Variants in COMMD2 observed in about 807,000 individuals in gnomAD.
COMMD2 encodes the protein COMM domain-containing protein 2.
A neutral mutation model predicts 22.5 loss-of-function variants in COMMD2; 25 were observed. The ratio of observed to expected loss-of-function variants is 1.11; its 90% CI spans 0.81 to 1.55. The LOEUF (loss-of-function observed/expected upper bound fraction) is 1.55, where lower values mean the gene tolerates loss of function less well. COMMD2 is among the 40% of genes most tolerant of loss of function. The pLI, the probability that COMMD2 is intolerant of heterozygous loss-of-function variation, is 0.00. For synonymous variants in COMMD2, 98 were observed against 91.2 expected (o/e 1.07, Z -0.42); for missense variants, 223 against 232.9 (o/e 0.96, Z 0.28).
At chr3:149,752,320 A>C (rs1437465641) in intron 1 of COMMD2, 33 bp from the exon 2 acceptor site, 1 of 1,613,706 alleles carries the variant, frequency 6.2e-7, no homozygotes, top group Admixed American at 1.7e-5. Flanking sequence ...GTTGAGTGCC[A>C]GGCGCTGCCT....
intron 4 of COMMD2, among the ~76,000 whole-genome samples, chr3:149,745,098 A>G (rs1467889391): frequency 3.3e-5 from 5 of 152,202 alleles, no homozygotes; most frequent in Non-Finnish European, 7.3e-5. Context: ...TCTACAAGAT[A>G]AATTACCTCT....
At chr3:149,749,370 T>G (rs1301806166) in intron 4 of COMMD2, among the ~76,000 whole-genome samples, 1 of 152,154 alleles carries the variant, frequency 6.6e-6, no homozygotes, top group Admixed American at 6.5e-5. Flanking sequence ...CTAACCAAAT[T>G]TCTATAACCT....
chr3:149,742,784 T>C (rs1314900308), intron 4 of COMMD2, among the ~76,000 whole-genome samples: 1 of 151,874 alleles, frequency 6.6e-6, no homozygotes, highest in African/African-American at 2.4e-5. Context: ...CCGGCCAACA[T>C]AGTGAAACCC....
intron 4 of COMMD2, among the ~76,000 whole-genome samples, chr3:149,743,747 T>C (rs888747505): frequency 6.6e-6 from 1 of 152,218 alleles, no homozygotes; most frequent in African/African-American, 2.4e-5. Context: ...GCAAATTATA[T>C]ATATGATAAT....
Position 149,750,623 on chromosome 3 carries a change from CA to C in COMMD2, c.402+54del, listed in dbSNP as rs984813867. 7.6e-6 allele frequency: 10 copies of C among 1,312,400 alleles called. No individual in the cohort carries two copies. In the African/African-American group the frequency reaches 1.3e-4, roughly 17 times the overall value. 81.3% of individuals were successfully genotyped at this position (1,312,400 alleles called of 1,614,324 possible). On this transcript the variant is annotated intron_variant, in intron 4 of 4. Coordinates refer to ENST00000473414, the MANE Select transcript of COMMD2 (RefSeq NM_016094.4). Reference sequence around the variant, plus strand: ...GGTAAAGAATACAATAAACAGGACACAAACCTAAAATAATTCTTATATTCTA... The same window carrying C: ...GGTAAAGAATACAATAAACAGGACACAACCTAAAATAATTCTTATATTCTA...
intron 2 of COMMD2, 134 bp downstream of exon 2, chr3:149,752,076 G>C (rs927084604): frequency 2.8e-6 from 2 of 705,812 alleles, no homozygotes; most frequent in African/African-American, 3.6e-5. Flanking sequence ...TGACTGAAGA[G>C]CTCTGCTGGT....
chr3:149,739,576 G>A lies in COMMD2; in HGVS notation c.*1945C>T, dbSNP rs1716154899. Reference sequence around the variant, plus strand: ...AGAGTTGGAGATAGGTTGTTCTGAGGAGACAAAGGGCTATTGTTTCATCTT... The same window carrying A: ...AGAGTTGGAGATAGGTTGTTCTGAGAAGACAAAGGGCTATTGTTTCATCTT... On this transcript the variant is annotated 3_prime_UTR_variant, in exon 5 of 5. Coordinates refer to ENST00000473414, the MANE Select transcript of COMMD2 (RefSeq NM_016094.4). 1 of 152,248 alleles carries A rather than the reference G, an allele frequency of 6.6e-6. No individual in the cohort carries two copies. The highest frequency in any genetic ancestry group is 1.5e-5 in the Non-Finnish European group (1 of 68,042). The allele number at this position is 152,248 out of a possible 1,614,324, so 9.4% of individuals were successfully genotyped here. A position where few individuals can be genotyped will look rare whatever the true frequency, so the allele number is the denominator to read the frequency against.
chr3:149,747,600 C>T (rs1187971845), intron 4 of COMMD2, among the ~76,000 whole-genome samples: 4 of 152,172 alleles, frequency 2.6e-5, no homozygotes, highest in Non-Finnish European at 5.9e-5. Flanking sequence ...TAAGAGATGA[C>T]GGGAAGAGAG....
rs1283306713 is a variant in COMMD2, at chr3:149,741,303, T to C, written c.*218A>G. On this transcript the variant is annotated 3_prime_UTR_variant, in exon 5 of 5. Transcript: ENST00000473414. ...GGAAGGTCTCAATCTCCTGACCTCA[T>C]GATTTGCCCACCTCGGCCTCCCAAA... The C allele has an allele frequency of 2.0e-5, 10 of 488,328 alleles. No homozygotes were observed. The highest frequency in any genetic ancestry group is 3.7e-5 in the Non-Finnish European group (10 of 270,530). The allele number at this position is 488,328 out of a possible 1,614,324, so 30.2% of individuals were successfully genotyped here. A position where few individuals can be genotyped will look rare whatever the true frequency, so the allele number is the denominator to read the frequency against.
intron 4 of COMMD2, 126 bp from the exon 5 acceptor site, chr3:149,741,844 A>C: frequency 1.4e-6 from 1 of 711,538 alleles, no homozygotes; most frequent in Non-Finnish European, 2.3e-6. Flanking sequence ...TTCAAAATGA[A>C]AAGTAAACTT....
At chr3:149,748,882 C>A (rs757874146) in intron 4 of COMMD2, among the ~76,000 whole-genome samples, 4 of 152,332 alleles carry the variant, frequency 2.6e-5, no homozygotes, top group Admixed American at 1.3e-4. Flanking sequence ...AAGCAGAAAA[C>A]GCATTTCACA....
Position 149,741,686 on chromosome 3 carries a change from T to A in COMMD2, c.435A>T (p.Lys145Asn). 6.2e-7 allele frequency: 1 copy of A among 1,613,994 alleles called. No individual in the cohort carries two copies. The highest frequency in any genetic ancestry group is 8.5e-7 in the Non-Finnish European group (1 of 1,179,956). Residue 145 changes from lysine to asparagine, a missense_variant, in exon 5 of 5, where the codon AAA becomes AAT. By Grantham distance (94) the Lys-to-Asn change is moderately conservative. Transcript: ENST00000473414. ...LASRSLRQQIKPAVTIKLHLN... is the reference protein window; with the variant it reads ...LASRSLRQQINPAVTIKLHLN... Reference sequence around the variant, plus strand: ...GGTGTAGCTTTATAGTCACTGCTGGTTTAATCTGTTGCCTGAGACTTCTAC... The same window carrying A: ...GGTGTAGCTTTATAGTCACTGCTGGATTAATCTGTTGCCTGAGACTTCTAC...
intron 4 of COMMD2, among the ~76,000 whole-genome samples, chr3:149,743,773 T>C (rs1018627758): frequency 5.9e-5 from 9 of 152,224 alleles, no homozygotes; most frequent in Admixed American, 2.6e-4. Context: ...ACAGTACTTA[T>C]TTATTCAATT....
At chr3:149,744,367 T>C (rs1716311022) in intron 4 of COMMD2, among the ~76,000 whole-genome samples, 1 of 152,112 alleles carries the variant, frequency 6.6e-6, no homozygotes, top group Non-Finnish European at 1.5e-5. Flanking sequence ...GAGCAAACAA[T>C]ATGTGGGCAA....
chr3:149,742,191 A>G (rs991718832), intron 4 of COMMD2, among the ~76,000 whole-genome samples: 1 of 152,244 alleles, frequency 6.6e-6, no homozygotes, highest in African/African-American at 2.4e-5. Flanking sequence ...AATATAGAAA[A>G]ATATGTTCAA....
intron 4 of COMMD2, among the ~76,000 whole-genome samples, chr3:149,745,942 C>T (rs925880714): frequency 2.0e-5 from 3 of 152,162 alleles, no homozygotes; most frequent in Non-Finnish European, 4.4e-5. Flanking sequence ...CACTCTTACT[C>T]TAATTACTGG....
chr3:149,742,970 A>C (rs1716275300), intron 4 of COMMD2, among the ~76,000 whole-genome samples: 1 of 148,484 alleles, frequency 6.7e-6, no homozygotes, highest in Non-Finnish European at 1.5e-5. Context: ...TATCTCAAAA[A>C]AAAAAAAAAA....
intron 4 of COMMD2, among the ~76,000 whole-genome samples, chr3:149,749,826 G>C (rs1263318330): frequency 1.3e-5 from 2 of 152,056 alleles, no homozygotes; most frequent in Non-Finnish European, 2.9e-5. Context: ...TTAAACAGTT[G>C]TCATCTTCAT....
At position 149,750,759 on chromosome 3, in the gene COMMD2, T is replaced by C; in HGVS notation, c.321A>G (p.Arg107=). The change falls in exon 4 of 5, where the codon AGA becomes AGG. Residue 107 remains arginine, a synonymous_variant. Coordinates refer to ENST00000473414, the MANE Select transcript of COMMD2 (RefSeq NM_016094.4). ...CACTCAGAATCGTTCTGATCTCTTT[T>C]CTGTTGTCCAGATAAAGCTGAAGCA... The part of the protein sequence containing the change: ...KLLLQLYLDN[R]KEIRTILSEL... The C allele has an allele frequency of 6.2e-7, 1 of 1,609,068 alleles. No individual in the cohort carries two copies.
Sources: allele counts gnomAD v4.1 joint callset (sites outside exome capture counted in the v4.1 genomes callset), GRCh38; gene constraint gnomAD v4.1.1; transcripts MANE v1.5; gene names NCBI Gene and HGNC (gene_info 2026-07-23, HGNC 2026-07-21).